THADA: variants seen among roughly 807,000 people sequenced by gnomAD.
The protein encoded by THADA is tRNA (32-2'-O)-methyltransferase regulator THADA.
Under a neutral mutation model 219.8 loss-of-function variants are expected in THADA, and 213 were observed. The observed-to-expected ratio is 0.97, with a 90% CI of 0.87 to 1.09. The LOEUF is 1.09. THADA is among the 50% of genes least tolerant of loss of function. The pLI is 0.00. For missense variants in THADA, 2,956 were observed against 2,311.3 expected, an observed-to-expected ratio of 1.28 and a Z score of -5.72; for synonymous variants, 1,018 against 828.9, an observed-to-expected ratio of 1.23 and a Z score of -3.92.
chr2:43,368,043 G>A (rs765728965), intron 29 of THADA, among the ~76,000 whole-genome samples: 27 of 152,022 alleles, frequency 1.8e-4, no homozygotes, highest in Admixed American at 4.6e-4. Flanking sequence ...ACTTGAACCC[G>A]GGACGCAGAG....
At chr2:43,369,976 A>G (rs1187208257) in intron 29 of THADA, 1 of 152,226 alleles carries the variant, frequency 6.6e-6, no homozygotes, top group Non-Finnish European at 1.5e-5. Context: ...GTAAGATCCC[A>G]GTGAAGAATT....
At chr2:43,556,977 A>G (rs1282114271) in intron 16 of THADA, among the ~76,000 whole-genome samples, 1 of 152,138 alleles carries the variant, frequency 6.6e-6, no homozygotes, top group Admixed American at 6.5e-5. Flanking sequence ...CAGCCATTCA[A>G]GAGGCTGAGA....
chr2:43,507,069 C>T (rs889334686), intron 23 of THADA, among the ~76,000 whole-genome samples: 1 of 152,072 alleles, frequency 6.6e-6, no homozygotes, highest in African/African-American at 2.4e-5. Flanking sequence ...TTTTCCATAG[C>T]TAACACTAAG....
intron 7 of THADA, among the ~76,000 whole-genome samples, chr2:43,583,415 T>C (rs1005832223): frequency 1.3e-5 from 2 of 152,192 alleles, no homozygotes; most frequent in African/African-American, 4.8e-5. Context: ...GCCTCCTAAC[T>C]GGTCTCTCGC....
At chr2:43,454,740 T>C (rs1682780777) in intron 26 of THADA, among the ~76,000 whole-genome samples, 1 of 152,188 alleles carries the variant, frequency 6.6e-6, no homozygotes, top group South Asian at 2.1e-4. Flanking sequence ...GAAAGATATT[T>C]TCCTTGTCCT....
chr2:43,539,900 G>A (rs7559891), intron 21 of THADA, among the ~76,000 whole-genome samples: 90,528 of 151,894 alleles, frequency 0.6, 28,160 homozygotes, highest in African/African-American at 0.75. Context: ...GGTGCTATGT[G>A]AAAAGTGTCA....
chr2:43,579,357 C>T (rs1700176744), intron 8 of THADA, among the ~76,000 whole-genome samples: 1 of 152,160 alleles, frequency 6.6e-6, no homozygotes, highest in Non-Finnish European at 1.5e-5. Context: ...TAGGTAAGTG[C>T]TAATTACAAA....
intron 13 of THADA, among the ~76,000 whole-genome samples, chr2:43,571,407 C>A (rs1057002629): frequency 6.6e-5 from 10 of 151,970 alleles, no homozygotes; most frequent in Admixed American, 6.6e-4. Context: ...CACACTGCCA[C>A]AACCGGCTAA....
Position 43,574,584 on chromosome 2 carries a change from G to A in THADA, c.1481C>T (p.Ala494Val), listed in dbSNP as rs762033664. Reference sequence around the variant, plus strand: ...AAACATGGTTTCCAAGAGGTCACTTGCATAAGGTACCAATGACTGGTCTCC... The same window carrying A: ...AAACATGGTTTCCAAGAGGTCACTTACATAAGGTACCAATGACTGGTCTCC... ...VMGDQSLVPYASDLLETMFRN... is the reference protein window; with the variant it reads ...VMGDQSLVPYVSDLLETMFRN... Residue 494 changes from alanine (A) to valine (V), a missense_variant, in exon 11 of 38, where the codon GCA becomes GTA. Transcript: ENST00000405975. The A allele has an allele frequency of 6.2e-7, 1 of 1,613,812 alleles. No homozygotes were observed. Among genetic ancestry groups the A allele is most frequent in the Admixed American group, 1.7e-5 (1 of 60,002 alleles).
Position 43,480,952 on chromosome 2 carries a change from C to T in THADA, c.3836+4282G>A, listed in dbSNP as rs189234684. The stretch of plus-strand genomic sequence containing the variant: ...CGAAGCAAATAAGCTATTCTGAATT[C>T]TAATAATTACATTCTCTAAAATATG... On this transcript the variant is annotated intron_variant, in intron 26 of 37. Coordinates refer to ENST00000405975, the MANE Select transcript of THADA (RefSeq NM_022065.5). Among the ~76,000 whole-genome samples, 31 of 152,336 alleles carry T rather than the reference C, an allele frequency of 2.0e-4. 1 individual carries two copies. In the South Asian group the frequency reaches 6.2e-3, roughly 31 times the overall value.
intron 29 of THADA, among the ~76,000 whole-genome samples, chr2:43,387,714 T>C (rs1259057675): frequency 2.0e-5 from 3 of 152,156 alleles, no homozygotes; most frequent in Non-Finnish European, 4.4e-5. Flanking sequence ...TTTTTGGTTG[T>C]TGTTGTCACA....
At chr2:43,525,968 C>T (rs1327412371) in intron 22 of THADA, among the ~76,000 whole-genome samples, 1 of 152,216 alleles carries the variant, frequency 6.6e-6, no homozygotes. Context: ...TCTAACCTAA[C>T]ATTTCCAACC....
chr2:43,544,201 T>G (rs1476234757), intron 20 of THADA, among the ~76,000 whole-genome samples: 1 of 152,186 alleles, frequency 6.6e-6, no homozygotes, highest in African/African-American at 2.4e-5. Context: ...GTGGCGTTAT[T>G]TCTGAGGGCT....
Position 43,451,029 on chromosome 2 carries a change from G to A in THADA, c.3837-20727C>T, listed in dbSNP as rs1353150332. On this transcript the variant is annotated intron_variant, in intron 26 of 37. Coordinates refer to ENST00000405975, the MANE Select transcript of THADA (RefSeq NM_022065.5). Reference sequence around the variant, plus strand: ...AATTCTGAACATAAATGGTGGTAATGGTTACACAAGAATATAAATATAGTT... The same window carrying A: ...AATTCTGAACATAAATGGTGGTAATAGTTACACAAGAATATAAATATAGTT... 2.6e-5 allele frequency among the ~76,000 whole-genome samples: 4 copies of A among 152,066 alleles called. No homozygotes were observed. In the South Asian group the frequency reaches 8.3e-4, roughly 32 times the overall value.
intron 29 of THADA, among the ~76,000 whole-genome samples, chr2:43,344,978 CCTTGGCTAGT>C (rs1307031472): frequency 2.0e-5 from 3 of 152,238 alleles, no homozygotes; most frequent in Non-Finnish European, 4.4e-5. Flanking sequence ...GATCTTTTGA[CCTTGGCTAGT>C]GCCAAGGAGA....
At chr2:43,443,595 A>G (rs1396540211) in intron 26 of THADA, among the ~76,000 whole-genome samples, 2 of 152,242 alleles carry the variant, frequency 1.3e-5, no homozygotes, top group African/African-American at 4.8e-5. Context: ...TAAAAGTGAT[A>G]GCCAAAAAGG....
At chr2:43,334,118 A>T (rs1267236587) in intron 30 of THADA, among the ~76,000 whole-genome samples, 1 of 152,226 alleles carries the variant, frequency 6.6e-6, no homozygotes, top group African/African-American at 2.4e-5. Context: ...TATTTTCCTT[A>T]AACACTTAAA....
chr2:43,482,901 C>A (rs935587714), intron 26 of THADA, among the ~76,000 whole-genome samples: 1 of 152,152 alleles, frequency 6.6e-6, no homozygotes, highest in Non-Finnish European at 1.5e-5. Context: ...TAGGAGTAGA[C>A]AGCACAGATC....
chr2:43,521,400 A>C (rs2103688262), intron 22 of THADA, among the ~76,000 whole-genome samples: 1 of 152,252 alleles, frequency 6.6e-6, no homozygotes, highest in Middle Eastern at 3.4e-3. Flanking sequence ...ATAAAAATAC[A>C]AAAAAATTAG....
Sources: allele counts gnomAD v4.1 joint callset (sites outside exome capture counted in the v4.1 genomes callset), GRCh38; gene constraint gnomAD v4.1.1; transcripts MANE v1.5; gene names NCBI Gene and HGNC (gene_info 2026-07-23, HGNC 2026-07-21).